The following CFAP92 variants were observed in gnomAD, a reference collection of about 807,000 sequenced individuals.
The protein encoded by CFAP92 is uncharacterized protein CFAP92.
Under a neutral mutation model 106.3 loss-of-function variants are expected in CFAP92, and 86 were observed. The ratio of observed to expected loss-of-function variants is 0.81; its 90% confidence interval spans 0.68 to 0.97. The LOEUF is 0.97. CFAP92 is among the 50% of genes least tolerant of loss of function. The pLI is 0.00. For synonymous variants in CFAP92, 477 were observed against 506.4 expected, an observed-to-expected ratio of 0.94 and a Z score of 0.78; for missense variants, 1,204 against 1,283.8, an observed-to-expected ratio of 0.94 and a Z score of 0.95.
chr3:129,013,723 A>G, the CFAP92 span, among the ~76,000 whole-genome samples: 1 of 152,058 alleles, frequency 6.6e-6, no homozygotes, highest in South Asian at 2.1e-4. Context: ...AATCACTGCC[A>G]CTCTGATTAG....
At chr3:129,002,189 C>T (rs1944813768) in intron 1 of CFAP92, 3 of 1,497,690 alleles carry the variant, frequency 2.0e-6, no homozygotes, top group South Asian at 2.5e-5. Flanking sequence ...GCCCGCCCTG[C>T]GCGCCTGGCC....
chr3:128,983,546 T>A (rs1040763185), intron 4 of CFAP92, among the ~76,000 whole-genome samples: 2 of 151,988 alleles, frequency 1.3e-5, no homozygotes, highest in Non-Finnish European at 2.9e-5. Flanking sequence ...CGCATGCACA[T>A]GGCAGCCACC....
chr3:128,971,224 C>T, intron 8 of CFAP92, 63 bp downstream of exon 8: 1 of 1,610,934 alleles, frequency 6.2e-7, no homozygotes, highest in Non-Finnish European at 8.5e-7. Context: ...GGAGCATCCG[C>T]TTATGGCCGT....
the CFAP92 span, among the ~76,000 whole-genome samples, chr3:129,019,856 C>T: frequency 6.6e-6 from 1 of 150,724 alleles, no homozygotes; most frequent in Non-Finnish European, 1.5e-5. Context: ...GCAACCTCCA[C>T]CTCCCAGATT....
At chr3:128,995,044 G>C (rs1450053354), upstream of CFAP92, among the ~76,000 whole-genome samples, 1 of 152,228 alleles carries the variant, frequency 6.6e-6, no homozygotes, top group African/African-American at 2.4e-5. Context: ...GGGGAGCCAA[G>C]GCAGGTCTTC....
chr3:128,989,782 C>A (rs140366097), intron 2 of CFAP92, among the ~76,000 whole-genome samples: 155 of 152,318 alleles, frequency 1.0e-3, no homozygotes, highest in African/African-American at 3.6e-3. Flanking sequence ...AATTTTTCTG[C>A]TACCAAAATA....
exon 1 of CFAP92, chr3:129,002,669 A>C (rs540739610): frequency 1.1e-4 from 33 of 313,942 alleles, no homozygotes; most frequent in Middle Eastern, 8.6e-4. Flanking sequence ...CCTTTCAACA[A>C]GCATCTTTCT....
At chr3:128,984,951 T>C (rs1366327483) in intron 4 of CFAP92, among the ~76,000 whole-genome samples, 1 of 152,206 alleles carries the variant, frequency 6.6e-6, no homozygotes, top group Non-Finnish European at 1.5e-5. Flanking sequence ...TAAGACAACA[T>C]GTACACTAGA....
chr3:128,912,248 G>A (rs966485660), intron 15 of CFAP92, among the ~76,000 whole-genome samples: 4 of 152,194 alleles, frequency 2.6e-5, no homozygotes, highest in African/African-American at 4.8e-5. Context: ...GCTGTTTACG[G>A]AGCAAGTGCC....
At chr3:128,988,051 C>G (rs1463083318) in intron 3 of CFAP92, among the ~76,000 whole-genome samples, 2 of 152,218 alleles carry the variant, frequency 1.3e-5, no homozygotes, top group Non-Finnish European at 2.9e-5. Flanking sequence ...AAGTAATTAC[C>G]TGCAAATAGC....
intron 12 of CFAP92, among the ~76,000 whole-genome samples, chr3:128,924,532 T>C (rs1825638): frequency 0.45 from 63,060 of 140,442 alleles, 15,926 homozygotes; most frequent in African/African-American, 0.71. Flanking sequence ...GCAACCTCCA[T>C]CCCCTGGGTT....
rs529927344 is a variant in CFAP92 at position 128,958,522 on chromosome 3, G to C, written c.1353+6989C>G. ...AGGATACATGGGACCTCTCTGTACT[G>C]TCTTTGCAACTTTCCGTGAATCTAT... On this transcript the variant is annotated intron_variant, in intron 9 of 15. Transcript: ENST00000645291. Among the ~76,000 whole-genome samples the C allele has an allele frequency of 4.1e-4, 62 of 152,312 alleles. 1 individual carries two copies. Among genetic ancestry groups the C allele is most frequent in the Middle Eastern group, 3.4e-3 (1 of 294 alleles).
At chr3:129,002,904 G>C (rs1321253032), upstream of CFAP92, among the ~76,000 whole-genome samples, 3 of 152,180 alleles carry the variant, frequency 2.0e-5, no homozygotes, top group Non-Finnish European at 4.4e-5. Context: ...AAGTGCCTGC[G>C]GGAACCAGAC....
At chr3:129,003,161 T>C, upstream of CFAP92, 1 of 915,934 alleles carries the variant, frequency 1.1e-6, no homozygotes, top group Non-Finnish European at 1.3e-6. Context: ...CAAGGTGTGG[T>C]TTTCAGTGTC....
intron 12 of CFAP92, among the ~76,000 whole-genome samples, chr3:128,918,172 C>T (rs1398597750): frequency 6.6e-6 from 1 of 152,160 alleles, no homozygotes; most frequent in African/African-American, 2.4e-5. Context: ...TAAAACCCTC[C>T]TTTAAAAACT....
At chr3:129,012,778 C>A in the CFAP92 span, among the ~76,000 whole-genome samples, 12 of 152,314 alleles carry the variant, frequency 7.9e-5, no homozygotes, top group East Asian at 1.9e-4. Flanking sequence ...AGAAAACAAT[C>A]AATGTCCACC....
At chr3:128,946,248 A>G (rs140000743) in intron 9 of CFAP92, among the ~76,000 whole-genome samples, 319 of 152,380 alleles carry the variant, frequency 2.1e-3, no homozygotes, top group African/African-American at 7.1e-3. Context: ...TGTGAGTGCC[A>G]TGAAGATAGG....
intron 9 of CFAP92, among the ~76,000 whole-genome samples, chr3:128,964,802 TC>T (rs1428511068): frequency 2.7e-4 from 41 of 152,192 alleles, no homozygotes; most frequent in African/African-American, 9.2e-4. Flanking sequence ...GCTTAATCTC[TC>T]CCACTCTAGG....
intron 1 of CFAP92, among the ~76,000 whole-genome samples, chr3:128,999,316 A>C (rs1944596701): frequency 6.6e-6 from 1 of 152,160 alleles, no homozygotes; most frequent in African/African-American, 2.4e-5. Context: ...ACAGCAAACC[A>C]TTATCAACCC....
Sources: allele counts gnomAD v4.1 joint callset (sites outside exome capture counted in the v4.1 genomes callset), GRCh38; gene constraint gnomAD v4.1.1; transcripts MANE v1.5; gene names NCBI Gene and HGNC (gene_info 2026-07-23, HGNC 2026-07-21).